The following AGMO variants were observed in gnomAD, a reference collection of about 807,000 sequenced individuals.
AGMO encodes glyceryl-ether monooxygenase.
A neutral mutation model predicts 60.2 loss-of-function variants in AGMO; 75 were observed. The observed-to-expected ratio is 1.25, with a 90% CI of 1.03 to 1.51. AGMO has a LOEUF of 1.51. Among genes scored for constraint, AGMO ranks in the 40% most tolerant of loss-of-function variants. The probability of loss-of-function intolerance (pLI) is 0.00; values close to 1 mark genes in which losing one functional copy is unlikely to be tolerated. For synonymous variants in AGMO, 261 were observed against 177.1 expected (o/e 1.47, Z -3.76); for missense variants, 763 against 525.5 (o/e 1.45, Z -4.42).
chr7:15,356,700 T>C (rs1369210611), intron 12 of AGMO, among the ~76,000 whole-genome samples: 2 of 151,920 alleles, frequency 1.3e-5, no homozygotes, highest in African/African-American at 2.4e-5. Context: ...TTATCTTTTA[T>C]AAAAATGTAT....
chr7:15,242,818 CTAGT>C (rs1230657375), intron 12 of AGMO, among the ~76,000 whole-genome samples: 1 of 151,808 alleles, frequency 6.6e-6, no homozygotes, highest in East Asian at 1.9e-4. Context: ...GATAATTATA[CTAGT>C]TATTTTAAAA....
At chr7:15,347,311 C>T (rs1782069111) in intron 12 of AGMO, among the ~76,000 whole-genome samples, 1 of 152,078 alleles carries the variant, frequency 6.6e-6, no homozygotes, top group African/African-American at 2.4e-5. Flanking sequence ...AGGCAGAGCA[C>T]ATTTGTGAAT....
intron 10 of AGMO, among the ~76,000 whole-genome samples, chr7:15,367,921 A>G (rs759627114): frequency 3.0e-4 from 46 of 152,126 alleles, no homozygotes; most frequent in Middle Eastern, 3.2e-3. Flanking sequence ...ATCTGTCCAA[A>G]GTTATACACA....
intron 3 of AGMO, among the ~76,000 whole-genome samples, chr7:15,518,189 A>G (rs892150277): frequency 1.3e-5 from 2 of 151,632 alleles, no homozygotes; most frequent in Admixed American, 6.6e-5. Context: ...CATAGATAAA[A>G]CTCCCATTTC....
At chr7:15,278,302 A>C (rs2128517501) in intron 12 of AGMO, among the ~76,000 whole-genome samples, 1 of 152,240 alleles carries the variant, frequency 6.6e-6, no homozygotes, top group Middle Eastern at 3.4e-3. Flanking sequence ...TTGTGCCAGC[A>C]GTTTAGGTCA....
At chr7:15,393,913 A>C (rs1784254594) in intron 6 of AGMO, among the ~76,000 whole-genome samples, 200 bp downstream of exon 6, 1 of 137,722 alleles carries the variant, frequency 7.3e-6, no homozygotes, top group Admixed American at 7.3e-5. Flanking sequence ...AAATCCCCCT[A>C]CCCCACCCCA....
At chr7:15,199,853 G>T (rs138055679), downstream of AGMO, among the ~76,000 whole-genome samples, 117 of 152,282 alleles carry the variant, frequency 7.7e-4, no homozygotes, top group African/African-American at 2.6e-3. Flanking sequence ...GAGATAGAAT[G>T]TGTTGCTTTT....
At chr7:15,508,020 T>C (rs1462886998) in intron 3 of AGMO, among the ~76,000 whole-genome samples, 2 of 151,960 alleles carry the variant, frequency 1.3e-5, no homozygotes, top group Non-Finnish European at 1.5e-5. Context: ...GGAAATAAAA[T>C]GAGATTTTCA....
chr7:15,354,487 T>C (rs9690684), intron 12 of AGMO, among the ~76,000 whole-genome samples: 310 of 24,100 alleles, frequency 0.013, 15 homozygotes, highest in Non-Finnish European at 0.019. Context: ...CGTGTGTATA[T>C]ACACACGTGT....
intron 3 of AGMO, among the ~76,000 whole-genome samples, chr7:15,523,875 T>G (rs1321067310): frequency 2.6e-5 from 4 of 152,106 alleles, no homozygotes; most frequent in Non-Finnish European, 5.9e-5. Flanking sequence ...AAATATAGCA[T>G]TTAACTTACT....
chr7:15,340,543 T>G (rs570457184), intron 12 of AGMO, among the ~76,000 whole-genome samples: 64 of 152,120 alleles, frequency 4.2e-4, no homozygotes, highest in Non-Finnish European at 8.4e-4. Context: ...GCCTCAGCAC[T>G]TGGTGCCCTG....
chr7:15,367,152 T>C (rs2128562304), intron 10 of AGMO, among the ~76,000 whole-genome samples: 1 of 152,168 alleles, frequency 6.6e-6, no homozygotes, highest in East Asian at 1.9e-4. Flanking sequence ...GTCTCAATTT[T>C]AGTCTGGTCT....
intron 12 of AGMO, among the ~76,000 whole-genome samples, chr7:15,282,112 T>C (rs940344336): frequency 3.9e-5 from 6 of 152,150 alleles, no homozygotes; most frequent in South Asian, 2.1e-4. Context: ...TTAGAACATA[T>C]AGTCTGCCCA....
At chr7:15,255,173 A>G (rs574536010) in intron 12 of AGMO, among the ~76,000 whole-genome samples, 60 of 152,216 alleles carry the variant, frequency 3.9e-4, no homozygotes, top group African/African-American at 1.3e-3. Flanking sequence ...ACATATGGAC[A>G]TAGGGAGGGG....
chr7:15,208,306 T>G (rs532756508), intron 12 of AGMO, among the ~76,000 whole-genome samples: 2 of 152,154 alleles, frequency 1.3e-5, no homozygotes, highest in Non-Finnish European at 2.9e-5. Context: ...AAGAAACATT[T>G]GGAAGAACAC....
At chr7:15,230,483 A>C (rs1426537386) in intron 12 of AGMO, among the ~76,000 whole-genome samples, 2 of 152,136 alleles carry the variant, frequency 1.3e-5, no homozygotes, top group East Asian at 3.9e-4. Flanking sequence ...CTACAGGGGA[A>C]GCTCCCCTCC....
rs147476875 is a variant in AGMO, at chr7:15,355,961, T to C, written c.1263+9553A>G. On this transcript the variant is annotated intron_variant, in intron 12 of 12. Transcript: ENST00000342526. The stretch of plus-strand genomic sequence containing the variant: ...AAAATCACAGAAAAGGAAACACAAA[T>C]TCCTTCAAACATAATGATCCACCCA... Among the ~76,000 whole-genome samples, 29 of 121,788 alleles carry C rather than the reference T, an allele frequency of 2.4e-4. No individual in the cohort carries two copies. In the East Asian group the frequency reaches 6.4e-3, roughly 27 times the overall value. The allele number at this position is 121,788 out of a possible 152,430, so 79.9% of individuals were successfully genotyped here.
chr7:15,131,020 A>G, the AGMO span, among the ~76,000 whole-genome samples: 1 of 152,070 alleles, frequency 6.6e-6, no homozygotes, highest in Non-Finnish European at 1.5e-5. Flanking sequence ...GCCAATAGCT[A>G]TATCATTCTG....
intron 3 of AGMO, among the ~76,000 whole-genome samples, chr7:15,457,908 G>A (rs1333165842): frequency 6.6e-6 from 1 of 152,074 alleles, no homozygotes; most frequent in Non-Finnish European, 1.5e-5. Flanking sequence ...CACTAGTGAT[G>A]CTTAAAATTG....
Sources: allele counts gnomAD v4.1 joint callset (sites outside exome capture counted in the v4.1 genomes callset), GRCh38; gene constraint gnomAD v4.1.1; transcripts MANE v1.5; gene names NCBI Gene and HGNC (gene_info 2026-07-23, HGNC 2026-07-21).